FBXL5: variants seen among roughly 807,000 people sequenced by gnomAD.
FBXL5 encodes the protein F-box/LRR-repeat protein 5.
In FBXL5, 26 loss-of-function variants were observed where a neutral mutation model predicts 78.3. The ratio of observed to expected loss-of-function variants is 0.33; its 90% confidence interval spans 0.24 to 0.46. The LOEUF (loss-of-function observed/expected upper bound fraction) is 0.46, where lower values mean the gene tolerates loss of function less well. FBXL5 is among the 20% of genes least tolerant of loss of function. The pLI, the probability that FBXL5 is intolerant of heterozygous loss-of-function variation, is 1.00. For missense variants in FBXL5, 710 were observed against 829.2 expected (o/e 0.86, Z 1.77); for synonymous variants, 295 against 282.5 (o/e 1.04, Z -0.45).
chr4:15,639,312 C>CAGTTAACT (rs1290085427), intron 3 of FBXL5, among the ~76,000 whole-genome samples: 2 of 152,224 alleles, frequency 1.3e-5, no homozygotes, highest in Non-Finnish European at 2.9e-5. Context: ...ATGTTTAGGT[C>CAGTTAACT]AGTTAACTGC....
Position 15,644,625 on chromosome 4 carries a change from C to T in FBXL5, c.168G>A (p.Met56Ile). Residue 56 changes from methionine (M) to isoleucine (I), a missense_variant, in exon 2 of 11, where the codon ATG (methionine) becomes ATA (isoleucine). Physicochemically the swap from Met to Ile is conservative, Grantham distance 10. Coordinates refer to ENST00000341285, the MANE Select transcript of FBXL5 (RefSeq NM_012161.4). Reference sequence around the variant, plus strand: ...TGTATTCATTTTCAATCTGCTCATGCATTTTGAACTCCTTGAAAGTAGCAT... The same window carrying T: ...TGTATTCATTTTCAATCTGCTCATGTATTTTGAACTCCTTGAAAGTAGCAT... Reference protein sequence around the residue: ...SLYATFKEFKMHEQIENEYII... With the variant: ...SLYATFKEFKIHEQIENEYII... 6.2e-7 allele frequency: 1 copy of T among 1,614,032 alleles called. No individual in the cohort carries two copies. The highest frequency in any genetic ancestry group is 8.5e-7 in the Non-Finnish European group (1 of 1,179,980).
At chr4:15,624,351 A>T (rs1291766357) in intron 9 of FBXL5, among the ~76,000 whole-genome samples, 2 of 152,154 alleles carry the variant, frequency 1.3e-5, no homozygotes, top group Admixed American at 1.3e-4. Flanking sequence ...CCTCTTACAT[A>T]AGCCTCAAAG....
At chr4:15,678,541 C>T (rs1361417734) in intron 1 of FBXL5, among the ~76,000 whole-genome samples, 1 of 152,172 alleles carries the variant, frequency 6.6e-6, no homozygotes, top group African/African-American at 2.4e-5. Context: ...ACTAAATATA[C>T]ATTTACATAG....
At chr4:15,650,935 C>A (rs937968068) in intron 1 of FBXL5, among the ~76,000 whole-genome samples, 12 of 152,084 alleles carry the variant, frequency 7.9e-5, no homozygotes, top group African/African-American at 2.7e-4. Context: ...CAACCTATAA[C>A]TGACTTTCTG....
Position 15,644,593 on chromosome 4 carries a change from C to T in FBXL5, c.200G>A (p.Gly67Asp). Residue 67 changes from glycine to aspartate, a missense_variant, in exon 2 of 11, where the codon GGT becomes GAT. Physicochemically the swap from Gly to Asp is moderately conservative, Grantham distance 94. Around this residue, in one of 4 missense-constraint regions of FBXL5, gnomAD observed 132 missense variants for 156.9 expected, o/e 0.84. Transcript: ENST00000341285. ...GGTCTGGCTGCGTTGTTGAAGCAAACCAATAATGTATTCATTTTCAATCTG... is the reference window on the plus strand; with the variant it reads ...GGTCTGGCTGCGTTGTTGAAGCAAATCAATAATGTATTCATTTTCAATCTG... Reference protein sequence around the residue: ...HEQIENEYIIGLLQQRSQTIY... With the variant: ...HEQIENEYIIDLLQQRSQTIY... 6.2e-7 allele frequency: 1 copy of T among 1,613,998 alleles called. No individual in the cohort carries two copies. The highest frequency in any genetic ancestry group is 8.5e-7 in the Non-Finnish European group (1 of 1,179,976).
At chr4:15,630,557 G>A in intron 6 of FBXL5, 109 bp downstream of exon 6, 1 of 1,062,100 alleles carries the variant, frequency 9.4e-7, no homozygotes, top group South Asian at 2.5e-5. Flanking sequence ...AGAAACACCA[G>A]TTTCTTTAGA....
chr4:15,647,145 C>T lies in FBXL5; in HGVS notation c.85-2437G>A, dbSNP rs185794714. Among the ~76,000 whole-genome samples, 1,092 of 148,218 alleles carry T rather than the reference C, an allele frequency of 7.4e-3. 21 individuals are homozygous for T. The highest frequency in any genetic ancestry group is 0.026 in the African/African-American group (1,035 of 39,882). On this transcript the variant is annotated intron_variant, in intron 1 of 10. Transcript: ENST00000341285. ...GGCTGAGACAGGAGAATCACTTGAA[C>T]CCAGGAGGCAGAGGTTGCAGTGAGC... is the stretch of plus-strand genomic sequence containing the variant.
chr4:15,632,704 GCTCT>G (rs1178409255), intron 5 of FBXL5, among the ~76,000 whole-genome samples: 3 of 151,840 alleles, frequency 2.0e-5, no homozygotes, highest in Admixed American at 1.3e-4. Context: ...TCATGATTTG[GCTCT>G]CTGTTATTGG....
At chr4:15,632,400 C>G (rs1289825188) in intron 5 of FBXL5, among the ~76,000 whole-genome samples, 1 of 152,124 alleles carries the variant, frequency 6.6e-6, no homozygotes, top group Non-Finnish European at 1.5e-5. Context: ...AACGCGGGCT[C>G]TTTTTCGGTT....
At chr4:15,638,797 A>G (rs1402774875) in intron 3 of FBXL5, 103 bp from the exon 4 acceptor site, 6 of 676,322 alleles carry the variant, frequency 8.9e-6, no homozygotes, top group Non-Finnish European at 1.4e-5. Flanking sequence ...TTATGACCAT[A>G]TATCTCAAAA....
chr4:15,615,940 C>G (rs1711812635), intron 9 of FBXL5, among the ~76,000 whole-genome samples: 2 of 152,156 alleles, frequency 1.3e-5, no homozygotes, highest in Admixed American at 1.3e-4. Flanking sequence ...CTTGCTACTG[C>G]TCATTCTTTG....
chr4:15,650,693 A>T (rs1242243251), intron 1 of FBXL5, among the ~76,000 whole-genome samples: 1 of 114,534 alleles, frequency 8.7e-6, no homozygotes, highest in Non-Finnish European at 1.7e-5. Flanking sequence ...TTTGAGACAG[A>T]GTCTCACTCT....
intron 1 of FBXL5, among the ~76,000 whole-genome samples, chr4:15,651,989 T>C (rs543202343): frequency 2.6e-5 from 4 of 152,320 alleles, no homozygotes; most frequent in Admixed American, 2.0e-4. Flanking sequence ...CATCCTAGCA[T>C]AGATGTTATT....
upstream of FBXL5, chr4:15,659,957 T>G (rs1183670429): frequency 6.6e-6 from 1 of 152,524 alleles, no homozygotes; most frequent in Non-Finnish European, 1.5e-5. Flanking sequence ...TCCTGTAAAG[T>G]GTCAGAGTTA....
chr4:15,607,228 C>CT (rs913511587), intron 10 of FBXL5, among the ~76,000 whole-genome samples: 57 of 152,150 alleles, frequency 3.7e-4, no homozygotes, highest in Admixed American at 2.4e-3. Context: ...AGGTTTATAA[C>CT]TGCTGAAGCT....
At chr4:15,656,586 T>C (rs1716969644), upstream of FBXL5, among the ~76,000 whole-genome samples, 2 of 152,222 alleles carry the variant, frequency 1.3e-5, no homozygotes, top group Non-Finnish European at 2.9e-5. Flanking sequence ...GTTCTAATCT[T>C]ATATTACTAT....
At chr4:15,640,050 A>G (rs1264426599) in intron 3 of FBXL5, among the ~76,000 whole-genome samples, 1 of 152,090 alleles carries the variant, frequency 6.6e-6, no homozygotes, top group Non-Finnish European at 1.5e-5. Context: ...GTTTTTGTTT[A>G]TTTGTTTGGA....
intron 10 of FBXL5, among the ~76,000 whole-genome samples, chr4:15,611,065 G>A (rs1424694032): frequency 6.6e-6 from 1 of 151,972 alleles, no homozygotes; most frequent in Non-Finnish European, 1.5e-5. Context: ...CACCAACTAC[G>A]ATGACATTCA....
Position 15,655,308 on chromosome 4 carries a change from C to T in FBXL5, c.-21G>A. On this transcript the variant is annotated 5_prime_UTR_variant, in exon 1 of 11. Coordinates refer to ENST00000341285, the MANE Select transcript of FBXL5 (RefSeq NM_012161.4). ...GCCATCGCCACTGCCTCAGCCTCCG[C>T]CTCAGCAGCCGCGGCCGCCGCCTCT... 1.4e-6 allele frequency: 2 copies of T among 1,380,334 alleles called. No individual in the cohort carries two copies. The highest frequency in any genetic ancestry group is 1.4e-5 in the South Asian group (1 of 71,374). The allele number at this position is 1,380,334 out of a possible 1,614,324, so 85.5% of individuals were successfully genotyped here. A position where few individuals can be genotyped will look rare whatever the true frequency, so the allele number is the denominator to read the frequency against.
Sources: allele counts gnomAD v4.1 joint callset (sites outside exome capture counted in the v4.1 genomes callset), GRCh38; gene constraint gnomAD v4.1.1; regional missense constraint gnomAD v4.1.1; transcripts MANE v1.5; gene names NCBI Gene and HGNC (gene_info 2026-07-23, HGNC 2026-07-21).